PLCXD3: variants seen among roughly 807,000 people sequenced by gnomAD.
PLCXD3 encodes PI-PLC X domain-containing protein 3.
In PLCXD3, 19 loss-of-function variants were observed where a neutral mutation model predicts 25.5. The observed-to-expected ratio is 0.75, with a 90% CI of 0.52 to 1.09. The LOEUF is 1.09. Among genes scored for constraint, PLCXD3 ranks in the 50% least tolerant of loss-of-function variants. The probability of loss-of-function intolerance (pLI) is 0.00; values close to 1 mark genes in which losing one functional copy is unlikely to be tolerated. For synonymous variants in PLCXD3, 174 were observed against 137.6 expected (o/e 1.26, Z -1.85); for missense variants, 411 against 388.1 (o/e 1.06, Z -0.50).
At chr5:41,342,676 T>G (rs191762671) in intron 2 of PLCXD3, among the ~76,000 whole-genome samples, 91 of 152,306 alleles carry the variant, frequency 6.0e-4, no homozygotes, top group African/African-American at 2.2e-3. Context: ...AGTATATCAA[T>G]ATATTGAGTC....
rs192003386 is a variant in PLCXD3, at chr5:41,346,786, A to C, written c.813-33016T>G. On this transcript the variant is annotated intron_variant, in intron 2 of 2. Transcript: ENST00000377801. ...TTTCAGAATGTCTTTTTCACTTATC[A>C]ATGTGCATTTAAGCTTCCTTCCTGC... Among the ~76,000 whole-genome samples the C allele has an allele frequency of 4.6e-4, 70 of 152,242 alleles. 1 individual carries two copies. Among genetic ancestry groups the C allele is most frequent in the Admixed American group, 1.0e-3 (16 of 15,282 alleles).
chr5:41,386,033 G>A (rs185309010), intron 1 of PLCXD3, among the ~76,000 whole-genome samples: 41 of 152,140 alleles, frequency 2.7e-4, no homozygotes, highest in Admixed American at 1.2e-3. Context: ...GTTGTTTTAC[G>A]CCACTAAATT....
At chr5:41,454,748 C>A (rs1386117800) in intron 1 of PLCXD3, among the ~76,000 whole-genome samples, 1 of 151,946 alleles carries the variant, frequency 6.6e-6, no homozygotes, top group Non-Finnish European at 1.5e-5. Context: ...ACCACCGGAA[C>A]TTAAGAGACA....
At chr5:41,487,501 C>T (rs1457467623) in intron 1 of PLCXD3, among the ~76,000 whole-genome samples, 1 of 152,006 alleles carries the variant, frequency 6.6e-6, no homozygotes, top group Non-Finnish European at 1.5e-5. Context: ...CAGACAAGGT[C>T]CTGAATTTGA....
At position 41,408,349 on chromosome 5, in the gene PLCXD3, G is replaced by C. The variant is rs318027; in HGVS notation, c.104-25815C>G. On this transcript the variant is annotated intron_variant, in intron 1 of 2. Coordinates refer to ENST00000377801, the MANE Select transcript of PLCXD3 (RefSeq NM_001005473.3). ...TACATTGCCTTCTTTCCTGAGCCCT[G>C]AGTTTCCTGTGCTTCCACTCTCAGT... 2.2e-3 allele frequency among the ~76,000 whole-genome samples: 330 copies of C among 152,220 alleles called. 1 individual carries two copies. The highest frequency in any genetic ancestry group is 7.5e-3 in the African/African-American group (312 of 41,534).
chr5:41,339,641 G>A (rs929561479), intron 2 of PLCXD3, among the ~76,000 whole-genome samples: 7 of 152,084 alleles, frequency 4.6e-5, no homozygotes, highest in Admixed American at 6.6e-5. Flanking sequence ...TGATTCACTA[G>A]CTATTGATTC....
chr5:41,431,294 T>G (rs1452283238), intron 1 of PLCXD3, among the ~76,000 whole-genome samples: 2 of 152,240 alleles, frequency 1.3e-5, no homozygotes, highest in African/African-American at 4.8e-5. Context: ...AATGAGACTT[T>G]GCTTTTAATT....
chr5:41,437,007 T>C (rs1580372856), intron 1 of PLCXD3, among the ~76,000 whole-genome samples: 1 of 152,196 alleles, frequency 6.6e-6, no homozygotes, highest in East Asian at 1.9e-4. Flanking sequence ...CAGAATCTCA[T>C]GGGGTTAGAG....
At chr5:41,406,647 C>T (rs1746360158) in intron 1 of PLCXD3, among the ~76,000 whole-genome samples, 1 of 152,042 alleles carries the variant, frequency 6.6e-6, no homozygotes. Context: ...GTTTTGTTCT[C>T]TTCCATTCCA....
chr5:41,382,554 T>C lies in PLCXD3; in HGVS notation c.104-20A>G, dbSNP rs371832560. ...GAGACCCTAGGAGAATAACAAGGCA[T>C]AGTGTGGTTAATTTCCACGTCTTTG... On this transcript the variant is annotated intron_variant, in intron 1 of 2. Coordinates refer to ENST00000377801, the MANE Select transcript of PLCXD3 (RefSeq NM_001005473.3). The C allele has an allele frequency of 1.3e-6, 2 of 1,539,622 alleles. No individual in the cohort carries two copies. Among genetic ancestry groups the C allele is most frequent in the Non-Finnish European group, 1.7e-6 (2 of 1,144,094 alleles).
rs1252458764 is a variant in PLCXD3 at position 41,363,254 on chromosome 5, G to A, written c.812+18572C>T. Among the ~76,000 whole-genome samples the A allele has an allele frequency of 3.1e-4, 47 of 152,160 alleles. 1 individual carries two copies. The highest frequency in any genetic ancestry group is 3.1e-3 in the Admixed American group (47 of 15,276). On this transcript the variant is annotated intron_variant, in intron 2 of 2. Transcript: ENST00000377801. ...TTATTAATTTGTCTCTCCCACTGCA[G>A]GGTAACCATGTTGAGGATAAGGGGC...
intron 2 of PLCXD3, among the ~76,000 whole-genome samples, chr5:41,351,634 T>A (rs914817493): frequency 1.3e-5 from 2 of 152,200 alleles, no homozygotes; most frequent in South Asian, 4.1e-4. Flanking sequence ...TTTCATATAT[T>A]TAAAATGAAG....
At chr5:41,412,807 T>C (rs375941131) in intron 1 of PLCXD3, among the ~76,000 whole-genome samples, 5 of 152,284 alleles carry the variant, frequency 3.3e-5, no homozygotes, top group African/African-American at 9.6e-5. Context: ...GACATACAAT[T>C]TAGAGTATAC....
At chr5:41,501,512 A>G (rs1748950099) in intron 1 of PLCXD3, among the ~76,000 whole-genome samples, 1 of 152,050 alleles carries the variant, frequency 6.6e-6, no homozygotes, top group Non-Finnish European at 1.5e-5. Context: ...AGAGAGTGGA[A>G]TGCTGGTTGC....
chr5:41,440,204 A>G (rs1747348973), intron 1 of PLCXD3, among the ~76,000 whole-genome samples: 1 of 125,704 alleles, frequency 8.0e-6, no homozygotes, highest in Non-Finnish European at 1.7e-5. Flanking sequence ...AGCAAATTAC[A>G]TAATCTCTCA....
intron 1 of PLCXD3, among the ~76,000 whole-genome samples, chr5:41,470,474 C>G (rs925344066): frequency 1.9e-4 from 29 of 152,186 alleles, no homozygotes; most frequent in African/African-American, 7.0e-4. Flanking sequence ...TGATTCAGAT[C>G]AGTTAGATCC....
At chr5:41,411,988 ATATC>A (rs1202702308) in intron 1 of PLCXD3, among the ~76,000 whole-genome samples, 11 of 149,632 alleles carry the variant, frequency 7.4e-5, no homozygotes, top group African/African-American at 2.5e-4. Context: ...ATATATATCC[ATATC>A]TATCTATCTG....
chr5:41,403,407 T>TTTGTTTGTTTG (rs1746254257), intron 1 of PLCXD3, among the ~76,000 whole-genome samples: 2 of 34,510 alleles, frequency 5.8e-5, no homozygotes, highest in Non-Finnish European at 1.4e-4. Flanking sequence ...TGTTGTTTTT[T>TTTGTTTGTTTG]TTTTTTTTTA....
Position 41,382,252 on chromosome 5 carries a change from T to C in PLCXD3, c.386A>G (p.Asn129Ser), listed in dbSNP as rs758163596. 13 of 1,613,746 alleles carry C rather than the reference T, an allele frequency of 8.1e-6. No homozygotes were observed. The Admixed American group carries it at 1.2e-4, about 14-fold the overall frequency. Residue 129 changes from asparagine (N) to serine (S), a missense_variant, in exon 2 of 3, where the codon AAT (asparagine) becomes AGT (serine). Physicochemically the swap from Asn to Ser is conservative, Grantham distance 46. Coordinates refer to ENST00000377801, the MANE Select transcript of PLCXD3 (RefSeq NM_001005473.3). ...CTTATGGTGATCTGTGAGGAATGCA[T>C]TGATCTCCTCAAGGCCTTCATTGAC... ...AKVNEGLEEI[N>S]AFLTDHHKEV...
Sources: gnomAD v4.1 joint callset for allele counts (sites outside exome capture counted in the v4.1 genomes callset) on GRCh38, gnomAD v4.1.1 for gene constraint, MANE v1.5 for transcripts, NCBI Gene and HGNC (gene_info 2026-07-23, HGNC 2026-07-21) for gene names.